CCDC18: variants seen among roughly 807,000 people sequenced by gnomAD.
CCDC18 encodes coiled-coil domain containing 18, also known as coiled-coil domain-containing protein 18.
In CCDC18, 157 loss-of-function variants were observed where a neutral mutation model predicts 196.0. That is an observed-to-expected ratio of 0.80 (90% CI 0.70 to 0.91). The LOEUF is 0.91. CCDC18 is among the 40% of genes least tolerant of loss of function. The pLI, the probability that CCDC18 is intolerant of heterozygous loss-of-function variation, is 0.00. For missense variants in CCDC18, 1,465 were observed against 1,611.6 expected, an observed-to-expected ratio of 0.91 and a Z score of 1.56; for synonymous variants, 482 against 529.2, an observed-to-expected ratio of 0.91 and a Z score of 1.22.
chr1:93,273,433 G>C (rs1037516114), intron 28 of CCDC18: 3 of 152,156 alleles, frequency 2.0e-5, no homozygotes, highest in African/African-American at 4.8e-5. Context: ...TAAGATATTG[G>C]ATATTTAAGA....
At chr1:93,223,614 A>G (rs1414000997) in intron 16 of CCDC18, among the ~76,000 whole-genome samples, 3 of 152,238 alleles carry the variant, frequency 2.0e-5, no homozygotes, top group African/African-American at 7.2e-5. Context: ...TGGTAACAAG[A>G]AATCAGTAAA....
At chr1:93,218,926 C>T (rs1257487580) in intron 14 of CCDC18, among the ~76,000 whole-genome samples, 1 of 152,208 alleles carries the variant, frequency 6.6e-6, no homozygotes, top group Non-Finnish European at 1.5e-5. Flanking sequence ...TTCTTCATCT[C>T]TGCTGGAAAT....
intron 1 of CCDC18, among the ~76,000 whole-genome samples, chr1:93,182,456 G>A (rs1019023998): frequency 6.6e-6 from 1 of 152,232 alleles, no homozygotes; most frequent in African/African-American, 2.4e-5. Flanking sequence ...TAAGAAGGGC[G>A]TTGAAGGAGA....
rs1553175509 is a variant in CCDC18 at position 93,227,971 on chromosome 1, A to AATATATAT, written c.2292+1533_2292+1540dup. Among the ~76,000 whole-genome samples, 939 of 125,274 alleles carry AATATATAT rather than the reference A, an allele frequency of 7.5e-3. 3 individuals are homozygous for AATATATAT. Among genetic ancestry groups the AATATATAT allele is most frequent in the African/African-American group, 0.01 (309 of 29,544 alleles). 82.2% of individuals were successfully genotyped at this position (125,274 alleles called of 152,430 possible). Reference sequence around the variant, plus strand: ...AGACCCTATCTCAAAAAAAAAAAAAAATATATATATATATATATTTATTTA... The same window carrying AATATATAT: ...AGACCCTATCTCAAAAAAAAAAAAAAATATATATATATATATATATATATATTTATTTA... On this transcript the variant is annotated intron_variant, in intron 17 of 28. Coordinates refer to ENST00000690025, the MANE Select transcript of CCDC18 (RefSeq NM_001378204.1).
intron 28 of CCDC18, among the ~76,000 whole-genome samples, chr1:93,276,933 CCT>C (rs1282217576): frequency 1.5e-5 from 2 of 136,646 alleles, no homozygotes; most frequent in Non-Finnish European, 3.1e-5. Context: ...ATCCCGCCAG[CCT>C]CTGAGTTCCC....
intron 7 of CCDC18, among the ~76,000 whole-genome samples, chr1:93,204,001 A>G (rs1654288367): frequency 6.6e-6 from 1 of 152,082 alleles, no homozygotes; most frequent in Non-Finnish European, 1.5e-5. Context: ...GCTAACAGAC[A>G]ATTCTTTACA....
At chr1:93,255,152 C>T (rs1264524691) in intron 24 of CCDC18, among the ~76,000 whole-genome samples, 2 of 151,768 alleles carry the variant, frequency 1.3e-5, no homozygotes, top group African/African-American at 4.8e-5. Context: ...GGTGTTTCAC[C>T]ATATTGGCCA....
At position 93,276,478 on chromosome 1, in the gene CCDC18, T is replaced by C. The variant is rs180733967; in HGVS notation, c.4354-1985T>C. ...TAATTCACCATTTATTAGGAATTTA[T>C]AAAAAGTTATTACTTCTATTTCTCT... On this transcript the variant is annotated intron_variant, in intron 28 of 28. Transcript: ENST00000690025. Among the ~76,000 whole-genome samples the C allele has an allele frequency of 2.0e-4, 30 of 152,294 alleles. No individual in the cohort carries two copies. The East Asian group carries it at 5.8e-3, about 29-fold the overall frequency.
chr1:93,251,291 A>G (rs751741387), intron 23 of CCDC18, among the ~76,000 whole-genome samples: 1 of 152,146 alleles, frequency 6.6e-6, no homozygotes, highest in African/African-American at 2.4e-5. Flanking sequence ...AAATTGTTAT[A>G]TTGCCTATCT....
intron 18 of CCDC18, among the ~76,000 whole-genome samples, chr1:93,235,709 G>T (rs1659985124): frequency 6.6e-6 from 1 of 152,074 alleles, no homozygotes; most frequent in African/African-American, 2.4e-5. Flanking sequence ...GGAAAGAGGA[G>T]ATAGTAGTAT....
At chr1:93,190,857 T>TAG in intron 4 of CCDC18, 1 of 726,972 alleles carries the variant, frequency 1.4e-6, no homozygotes, top group South Asian at 1.4e-5. Context: ...ACTCAAGCCT[T>TAG]AGCACAATCT....
At chr1:93,234,359 A>G (rs1659716219) in intron 18 of CCDC18, among the ~76,000 whole-genome samples, 1 of 151,452 alleles carries the variant, frequency 6.6e-6, no homozygotes, top group African/African-American at 2.4e-5. Flanking sequence ...GCGGGGTTTC[A>G]CCATGTTGGC....
chr1:93,226,304 T>G (rs1570447575), intron 16 of CCDC18, 29 bp from the exon 17 acceptor site: 6 of 933,598 alleles, frequency 6.4e-6, no homozygotes, highest in Non-Finnish European at 9.9e-6. Context: ...TTGTGTTTTT[T>G]TTTTTTTTTT....
intron 11 of CCDC18, among the ~76,000 whole-genome samples, chr1:93,213,756 G>A (rs375525072): frequency 1.2e-4 from 18 of 152,156 alleles, no homozygotes; most frequent in East Asian, 1.9e-4. Flanking sequence ...ATTGTCCAGC[G>A]TATGATCTAT....
At chr1:93,274,498 T>C (rs1466356065) in intron 28 of CCDC18, among the ~76,000 whole-genome samples, 1 of 152,178 alleles carries the variant, frequency 6.6e-6, no homozygotes, top group African/African-American at 2.4e-5. Context: ...TTTGAATTTT[T>C]CAAGTCATTT....
Position 93,270,639 on chromosome 1 carries a change from A to G in CCDC18, c.4178A>G (p.His1393Arg), listed in dbSNP as rs960713573. 1.2e-5 allele frequency: 18 copies of G among 1,550,334 alleles called. No homozygotes were observed. Among genetic ancestry groups the G allele is most frequent in the South Asian group, 2.4e-5 (2 of 84,062 alleles). Residue 1393 changes from histidine to arginine, a missense_variant, in exon 28 of 29, where the codon CAT (histidine) becomes CGT (arginine). Coordinates refer to ENST00000690025, the MANE Select transcript of CCDC18 (RefSeq NM_001378204.1). ...LEQPSTLEESHKNLTYTQPDS... is the reference protein window; with the variant it reads ...LEQPSTLEESRKNLTYTQPDS... ...CAGCCTTCAACATTAGAAGAAAGCC[A>G]TAAGAATCTGACTTACACCCAGCCA...
chr1:93,191,067 G>T, intron 4 of CCDC18: 1 of 734,104 alleles, frequency 1.4e-6, no homozygotes, highest in Non-Finnish European at 2.3e-6. Flanking sequence ...CCATGTTTGC[G>T]GGAGTGCTAT....
At chr1:93,199,573 G>A (rs537122188) in intron 6 of CCDC18, among the ~76,000 whole-genome samples, 1 of 152,236 alleles carries the variant, frequency 6.6e-6, no homozygotes, top group Non-Finnish European at 1.5e-5. Context: ...CTTGTTGCCT[G>A]CAACGTAGTG....
At chr1:93,184,760 T>C (rs970754525) in intron 3 of CCDC18, among the ~76,000 whole-genome samples, 6 of 152,122 alleles carry the variant, frequency 3.9e-5, no homozygotes, top group South Asian at 4.1e-4. Flanking sequence ...CACATAATCT[T>C]TTTGGATATG....
Sources: allele counts gnomAD v4.1 joint callset (sites outside exome capture counted in the v4.1 genomes callset), GRCh38; gene constraint gnomAD v4.1.1; transcripts MANE v1.5; gene names NCBI Gene and HGNC (gene_info 2026-07-23, HGNC 2026-07-21).